CLTCL1: variants seen among roughly 807,000 people sequenced by gnomAD.
CLTCL1 encodes clathrin heavy chain 2.
In CLTCL1, 159 loss-of-function variants were observed where a neutral mutation model predicts 190.0. The ratio of observed to expected loss-of-function variants is 0.84; its 90% CI spans 0.74 to 0.95. CLTCL1 has a LOEUF of 0.95. CLTCL1 is among the 40% of genes least tolerant of loss of function. The pLI, the probability that CLTCL1 is intolerant of heterozygous loss-of-function variation, is 0.00. For missense variants in CLTCL1, 1,878 were observed against 2,033.4 expected (o/e 0.92, Z 1.47); for synonymous variants, 752 against 769.6 (o/e 0.98, Z 0.38).
chr22:19,280,599 G>A (rs1372234526), intron 1 of CLTCL1, among the ~76,000 whole-genome samples: 2 of 151,184 alleles, frequency 1.3e-5, no homozygotes, highest in Non-Finnish European at 2.9e-5. Context: ...CGGGTGGGTC[G>A]CTTGAGGTCA....
chr22:19,234,711 A>C lies in CLTCL1; in HGVS notation c.970-5T>G, dbSNP rs117574531. 6.2e-7 allele frequency: 1 copy of C among 1,613,166 alleles called. No homozygotes were observed. Among genetic ancestry groups the C allele is most frequent in the Non-Finnish European group, 8.5e-7 (1 of 1,179,338 alleles). On this transcript the variant is annotated splice_polypyrimidine_tract_variant and splice_region_variant and intron_variant, in intron 6 of 32. Coordinates refer to ENST00000427926, the MANE Select transcript of CLTCL1 (RefSeq NM_007098.4). ...CTCAACACAAACTGACAGTACCTGT[A>C]AGGACACAACAAGTGAGAGCAGCCC...
chr22:19,280,337 A>ATTT (rs879998804), intron 1 of CLTCL1, among the ~76,000 whole-genome samples: 1 of 147,028 alleles, frequency 6.8e-6, no homozygotes, highest in Non-Finnish European at 1.5e-5. Context: ...GAAACTACTG[A>ATTT]TTTTTTTTTT....
intron 2 of CLTCL1, among the ~76,000 whole-genome samples, chr22:19,264,636 A>G (rs1037580471): frequency 1.3e-5 from 2 of 152,232 alleles, no homozygotes; most frequent in Non-Finnish European, 2.9e-5. Context: ...CAATATTATC[A>G]TCAATTAGCA....
Position 19,194,926 on chromosome 22 carries a change from G to A in CLTCL1, c.4191+1340C>T, listed in dbSNP as rs577450076. Among the ~76,000 whole-genome samples, 15 of 152,286 alleles carry A rather than the reference G, an allele frequency of 9.8e-5. 1 individual carries two copies. The South Asian group carries it at 2.7e-3, about 27-fold the overall frequency. ...CAGTGTCTGTCTCCCACACGGCAGG[G>A]TGTAGTAGAAGCATCATGAATCACA... On this transcript the variant is annotated intron_variant, in intron 26 of 32. Coordinates refer to ENST00000427926, the MANE Select transcript of CLTCL1 (RefSeq NM_007098.4).
At position 19,235,737 on chromosome 22, in the gene CLTCL1, T is replaced by G; in HGVS notation, c.928A>C (p.Lys310Gln). 1.2e-6 allele frequency: 2 copies of G among 1,613,820 alleles called. No homozygotes were observed. Among genetic ancestry groups the G allele is most frequent in the Non-Finnish European group, 1.7e-6 (2 of 1,179,818 alleles). The change falls in exon 6 of 33, where the codon AAA (lysine) becomes CAA (glutamine). Residue 310 changes from lysine to glutamine, a missense_variant. Lys to Gln is a moderately conservative substitution (Grantham distance 53). Transcript: ENST00000427926. Reference protein sequence around the residue: ...ADTIFVTAPHKPTSGIIGVNK... With the variant: ...ADTIFVTAPHQPTSGIIGVNK... The stretch of plus-strand genomic sequence containing the variant: ...ACACCAATAATTCCAGAGGTTGGTT[T>G]GTGTGGAGCAGTGACAAATATTGTG...
chr22:19,203,879 G>A (rs1314649473), intron 22 of CLTCL1, among the ~76,000 whole-genome samples: 1 of 152,136 alleles, frequency 6.6e-6, no homozygotes, highest in African/African-American at 2.4e-5. Context: ...ACACTGGTAA[G>A]CATGACTGCC....
chr22:19,204,211 C>G (rs1014730836), intron 22 of CLTCL1, among the ~76,000 whole-genome samples: 20 of 152,080 alleles, frequency 1.3e-4, no homozygotes, highest in African/African-American at 4.8e-4. Context: ...AGCCAGAGTC[C>G]TGATGACGAC....
intron 2 of CLTCL1, among the ~76,000 whole-genome samples, chr22:19,265,846 T>C (rs1483860008): frequency 6.6e-6 from 1 of 152,200 alleles, no homozygotes; most frequent in Non-Finnish European, 1.5e-5. Context: ...GTAGGGTTTT[T>C]CAAAACAATC....
chr22:19,255,680 C>A (rs1193563814), intron 2 of CLTCL1, among the ~76,000 whole-genome samples: 1 of 151,920 alleles, frequency 6.6e-6, no homozygotes, highest in Non-Finnish European at 1.5e-5. Flanking sequence ...GAAGCTGAGG[C>A]AGGTAGATTA....
intron 2 of CLTCL1, 28 bp from the exon 3 acceptor site, chr22:19,254,255 G>C: frequency 6.4e-7 from 1 of 1,564,400 alleles, no homozygotes. Context: ...AGAGATTAGA[G>C]AAAGACAAAT....
At position 19,225,603 on chromosome 22, in the gene CLTCL1, C is replaced by G; in HGVS notation, c.1978G>C (p.Val660Leu). 6.4e-7 allele frequency: 1 copy of G among 1,570,818 alleles called. No homozygotes were observed. The highest frequency in any genetic ancestry group is 8.6e-7 in the Non-Finnish European group (1 of 1,158,758). Residue 660 changes from valine to leucine, a missense_variant, in exon 13 of 33, where the codon GTG becomes CTG. Transcript: ENST00000427926. ...TGCAGACACTCCACAGAATCCTCCA[C>G]CGATAAGGAGCCAAAGAAATTGACA... is the stretch of plus-strand genomic sequence containing the variant. ...WLVNFFGSLSVEDSVECLHAM... is the reference protein window; with the variant it reads ...WLVNFFGSLSLEDSVECLHAM...
intron 1 of CLTCL1, among the ~76,000 whole-genome samples, chr22:19,284,799 CA>C (rs1167331838): frequency 6.6e-6 from 1 of 150,830 alleles, no homozygotes; most frequent in Non-Finnish European, 1.5e-5. Context: ...ACTAAAAATA[CA>C]AAAATTAGCC....
chr22:19,201,369 T>A lies in CLTCL1; in HGVS notation c.3725A>T (p.Asp1242Val). Reference sequence around the variant, plus strand: ...GGTGCTGCTGGCCTTGCGGCTGTTGTCCACTGCTGCCTGATACTCACCGAG... The same window carrying A: ...GGTGCTGCTGGCCTTGCGGCTGTTGACCACTGCTGCCTGATACTCACCGAG... ...VHLGEYQAAV[D>V]NSRKASSTRT... is the part of the protein sequence containing the mutation. The change falls in exon 23 of 33, where the codon GAC becomes GTC. Residue 1242 changes from aspartate (D) to valine (V), a missense_variant. By Grantham distance (152) the Asp-to-Val change is radical. Coordinates refer to ENST00000427926, the MANE Select transcript of CLTCL1 (RefSeq NM_007098.4). The A allele has an allele frequency of 8.7e-6, 14 of 1,613,368 alleles. No homozygotes were observed. The highest frequency in any genetic ancestry group is 1.2e-5 in the Non-Finnish European group (14 of 1,179,782).
rs782212139 is a variant in CLTCL1 at position 19,210,422 on chromosome 22, G to A, written c.3153C>T (p.Asp1051=). ...MEYISRLDNY[D]ALDIASIAVS... is the part of the protein sequence containing the mutation. ...CAGCGATGCTCGCGATGTCCAGTGC[G>A]TCATAGTTGTCCAGGCGGCTGATGT... The change falls in exon 20 of 33, where the codon GAC becomes GAT. Residue 1051 remains aspartate, a synonymous_variant. Coordinates refer to ENST00000427926, the MANE Select transcript of CLTCL1 (RefSeq NM_007098.4). The A allele has an allele frequency of 1.2e-5, 20 of 1,613,854 alleles. No homozygotes were observed. The highest frequency in any genetic ancestry group is 1.6e-4 in the Middle Eastern group (1 of 6,082).
rs2086808538 is a variant in CLTCL1 at position 19,257,743 on chromosome 22, TA to T, written c.251-3517del. ...GGGATGGCCAGGGGTCTGGCAGGAA[TA>T]GGGGGCATCTAGAATGAGAAGGAGA... On this transcript the variant is annotated intron_variant, in intron 2 of 32. Transcript: ENST00000427926. 7.3e-5 allele frequency: 96 copies of T among 1,313,880 alleles called. No individual in the cohort carries two copies. The South Asian group carries it at 1.1e-3, about 15-fold the overall frequency. The allele number at this position is 1,313,880 out of a possible 1,614,324, so 81.4% of individuals were successfully genotyped here.
chr22:19,281,081 G>C (rs1471509014), intron 1 of CLTCL1, among the ~76,000 whole-genome samples: 1 of 151,704 alleles, frequency 6.6e-6, no homozygotes, highest in Non-Finnish European at 1.5e-5. Context: ...ACGAGGTCAG[G>C]AGATCGAGAC....
chr22:19,253,185 G>T (rs1051819848), intron 3 of CLTCL1, among the ~76,000 whole-genome samples: 20 of 152,090 alleles, frequency 1.3e-4, no homozygotes, highest in African/African-American at 4.8e-4. Context: ...TTACACAGAA[G>T]CAGCTCTATG....
chr22:19,233,989 A>G lies in CLTCL1; in HGVS notation c.1168-367T>C, dbSNP rs139908190. ...TTTGTTCACAACTACCCCTTGAAAGACAAGAAAAATTCTTTCAAGGACAAG... is the reference window on the plus strand; with the variant it reads ...TTTGTTCACAACTACCCCTTGAAAGGCAAGAAAAATTCTTTCAAGGACAAG... On this transcript the variant is annotated intron_variant, in intron 7 of 32. Coordinates refer to ENST00000427926, the MANE Select transcript of CLTCL1 (RefSeq NM_007098.4). Among the ~76,000 whole-genome samples, 25 of 152,366 alleles carry G rather than the reference A, an allele frequency of 1.6e-4. No individual in the cohort carries two copies. The East Asian group carries it at 4.2e-3, about 26-fold the overall frequency.
At chr22:19,218,775 T>G (rs1555950839) in intron 18 of CLTCL1, among the ~76,000 whole-genome samples, 2 of 152,236 alleles carry the variant, frequency 1.3e-5, no homozygotes, top group Non-Finnish European at 2.9e-5. Flanking sequence ...TCCACAGGGC[T>G]GTGGGAAGCC....
Sources: gnomAD v4.1 joint callset for allele counts (sites outside exome capture counted in the v4.1 genomes callset) on GRCh38, gnomAD v4.1.1 for gene constraint, MANE v1.5 for transcripts, NCBI Gene and HGNC (gene_info 2026-07-23, HGNC 2026-07-21) for gene names.